The following ATAD2 variants were observed in gnomAD, a reference collection of about 807,000 sequenced individuals.
The protein encoded by ATAD2 is ATPase family AAA domain containing 2.
A neutral mutation model predicts 168.9 loss-of-function variants in ATAD2; 62 were observed. That is an observed-to-expected ratio of 0.37 (90% CI 0.30 to 0.45). The LOEUF (loss-of-function observed/expected upper bound fraction) is 0.45, where lower values mean the gene tolerates loss of function less well. ATAD2 is among the 20% of genes least tolerant of loss of function. ATAD2 has a pLI of 1.00. For synonymous variants in ATAD2, 613 were observed against 571.6 expected, an observed-to-expected ratio of 1.07 and a Z score of -1.03; for missense variants, 1,419 against 1,667.8, an observed-to-expected ratio of 0.85 and a Z score of 2.60.
chr8:123,396,366 C>A lies in ATAD2; in HGVS notation c.-9G>T. Reference sequence around the variant, plus strand: ...CTGCGGAGAACCACCATCTTCTCTCCCTACTGGCCTCGGCGTGCGCGACCG... The same window carrying A: ...CTGCGGAGAACCACCATCTTCTCTCACTACTGGCCTCGGCGTGCGCGACCG... On this transcript the variant is annotated 5_prime_UTR_variant, in exon 1 of 28. Transcript: ENST00000287394. 1 of 1,566,384 alleles carries A rather than the reference C, an allele frequency of 6.4e-7. No individual in the cohort carries two copies.
chr8:123,334,038 T>G lies in ATAD2; in HGVS notation c.3335-17A>C. ...AGCTACAACCTTATAAATAGATATGTGGGATGTCAAAAGGATTTCCAGATT... is the reference window on the plus strand; with the variant it reads ...AGCTACAACCTTATAAATAGATATGGGGGATGTCAAAAGGATTTCCAGATT... On this transcript the variant is annotated splice_polypyrimidine_tract_variant and intron_variant, in intron 23 of 27. Coordinates refer to ENST00000287394, the MANE Select transcript of ATAD2 (RefSeq NM_014109.4). The G allele has an allele frequency of 6.3e-7, 1 of 1,596,956 alleles. No individual in the cohort carries two copies. Among genetic ancestry groups the G allele is most frequent in the Non-Finnish European group, 8.5e-7 (1 of 1,170,038 alleles).
chr8:123,351,970 G>A (rs1006125131), intron 13 of ATAD2, among the ~76,000 whole-genome samples: 12 of 152,050 alleles, frequency 7.9e-5, no homozygotes, highest in African/African-American at 2.9e-4. Context: ...GGATGGTCTC[G>A]ATCTCCTGAC....
At chr8:123,405,327 G>A (rs1465778145) in intron 1 of ATAD2, among the ~76,000 whole-genome samples, 1 of 150,024 alleles carries the variant, frequency 6.7e-6, no homozygotes, top group Non-Finnish European at 1.5e-5. Context: ...TGCGACCTCA[G>A]CTCACTGCAA....
chr8:123,383,854 C>T (rs938265058), intron 1 of ATAD2, among the ~76,000 whole-genome samples: 4 of 151,332 alleles, frequency 2.6e-5, no homozygotes, highest in Admixed American at 6.6e-5. Flanking sequence ...GAGGCTGAGG[C>T]GAGGGGCTCA....
In ATAD2 at chr8:123,369,836, G is replaced by C. The variant is rs1480863275; in HGVS notation, c.916C>G (p.Gln306Glu). ...LRQRKATVYY[Q>E]APLEKPRHQR... ...TAGCACTTACTTTCCAATGGAGCCT[G>C]ATAGTAAACAGTAGCTTTTCTCTGT... The change falls in exon 7 of 28, where the codon CAG (glutamine) becomes GAG (glutamate). Residue 306 changes from glutamine (Q) to glutamate (E), a missense_variant. Transcript: ENST00000287394. The C allele has an allele frequency of 6.2e-7, 1 of 1,610,996 alleles. No homozygotes were observed. Among genetic ancestry groups the C allele is most frequent in the Non-Finnish European group, 8.5e-7 (1 of 1,178,620 alleles).
intron 1 of ATAD2, among the ~76,000 whole-genome samples, chr8:123,394,631 T>C (rs1411078597): frequency 6.6e-6 from 1 of 151,830 alleles, no homozygotes; most frequent in Non-Finnish European, 1.5e-5. Flanking sequence ...TGAGACTCTG[T>C]CTCGAAGAAA....
At position 123,348,240 on chromosome 8, in the gene ATAD2, C is replaced by G. The variant is rs1041557770; in HGVS notation, c.1840G>C (p.Asp614His). The change falls in exon 15 of 28, where the codon GAT becomes CAT. Residue 614 changes from aspartate (D) to histidine (H), a missense_variant. Physicochemically the swap from Asp to His is moderately conservative, Grantham distance 81. This residue lies in a region of ATAD2 where 545 missense variants were observed against 724.9 expected (regional missense o/e 0.75). Transcript: ENST00000287394. Reference sequence around the variant, plus strand: ...GTGTCCAGTGGTTTGGGATTCCAATCCCTGGTGTGAATCTTTAGAATCTCT... The same window carrying G: ...GTGTCCAGTGGTTTGGGATTCCAATGCCTGGTGTGAATCTTTAGAATCTCT... ...RKEILKIHTR[D>H]WNPKPLDTFL... 4 of 1,601,276 alleles carry G rather than the reference C, an allele frequency of 2.5e-6. No individual in the cohort carries two copies. The highest frequency in any genetic ancestry group is 3.4e-6 in the Non-Finnish European group (4 of 1,176,388).
intron 1 of ATAD2, among the ~76,000 whole-genome samples, chr8:123,381,430 G>T (rs140829727): frequency 6.6e-6 from 1 of 152,276 alleles, no homozygotes; most frequent in African/African-American, 2.4e-5. Context: ...GAGCCTGGGA[G>T]GTGGAGGTTG....
At chr8:123,354,695 G>C (rs1018148878) in intron 13 of ATAD2, among the ~76,000 whole-genome samples, 6 of 151,520 alleles carry the variant, frequency 4.0e-5, no homozygotes, top group African/African-American at 1.5e-4. Context: ...AAATTTAGCT[G>C]GGCATGGTGG....
intron 1 of ATAD2, among the ~76,000 whole-genome samples, chr8:123,410,125 ATATCT>A (rs1325152212): frequency 6.6e-6 from 1 of 151,982 alleles, no homozygotes; most frequent in African/African-American, 2.4e-5. Context: ...CTGCCCATTA[ATATCT>A]TAATTTCACT....
intron 26 of ATAD2, among the ~76,000 whole-genome samples, chr8:123,325,148 G>C (rs1302683978): frequency 6.9e-6 from 1 of 145,742 alleles, no homozygotes; most frequent in Non-Finnish European, 1.5e-5. Context: ...TGTCATCCAG[G>C]CTGGAAGGCA....
intron 12 of ATAD2, 110 bp downstream of exon 12, chr8:123,357,452 T>C: frequency 9.4e-7 from 1 of 1,061,964 alleles, no homozygotes; most frequent in Non-Finnish European, 1.3e-6. Flanking sequence ...AATAGTCTAA[T>C]TCTTCTGGGT....
intron 19 of ATAD2, among the ~76,000 whole-genome samples, chr8:123,341,068 G>C (rs1009934473): frequency 6.6e-6 from 1 of 151,626 alleles, no homozygotes; most frequent in Non-Finnish European, 1.5e-5. Context: ...TCAGCCTCCC[G>C]AGTAGCTGGG....
At chr8:123,401,449 A>G (rs1390066337) in intron 1 of ATAD2, 2 of 1,461,000 alleles carry the variant, frequency 1.4e-6, no homozygotes, top group Admixed American at 3.4e-5. Context: ...GTCAAACAGA[A>G]GTACTCCCAC....
In ATAD2 at chr8:123,369,918, TTCATCA is replaced by T. The variant is rs113064839; in HGVS notation, c.828_833del (p.Asp276_Asp277del). The T allele has an allele frequency of 2.5e-3, 3,924 of 1,567,960 alleles. 69 individuals carry two copies. The East Asian group carries it at 0.043, about 17-fold the overall frequency. On this transcript the variant is annotated inframe_deletion, in exon 7 of 28. Coordinates refer to ENST00000287394, the MANE Select transcript of ATAD2 (RefSeq NM_014109.4). ...CTCCATCTTCTTCATCTTCATCATC[TTCATCA>T]TCATCATCATCATCATCATCGTCAT...
At chr8:123,323,114 A>C (rs1827519356) in intron 26 of ATAD2, 48 bp from the exon 27 acceptor site, 2 of 1,550,016 alleles carry the variant, frequency 1.3e-6, no homozygotes, top group Non-Finnish European at 1.8e-6. Context: ...AAACTTCCTC[A>C]GACAAGATAC....
intron 1 of ATAD2, among the ~76,000 whole-genome samples, chr8:123,386,020 CAAAA>C (rs58687997): frequency 1.2e-5 from 1 of 81,086 alleles, no homozygotes; most frequent in African/African-American, 4.5e-5. Flanking sequence ...TGGCTACTCA[CAAAA>C]AAAAAAAAAA....
At chr8:123,396,615 G>C (rs899363670), upstream of ATAD2, 54 of 500,118 alleles carry the variant, frequency 1.1e-4, no homozygotes, top group Middle Eastern at 1.0e-3. Context: ...CGACAGTATA[G>C]AGGACCTGAG....
intron 1 of ATAD2, among the ~76,000 whole-genome samples, chr8:123,415,483 T>G (rs925935694): frequency 6.6e-6 from 1 of 152,254 alleles, no homozygotes; most frequent in Non-Finnish European, 1.5e-5. Flanking sequence ...GGAAGTACCC[T>G]GATTAGCTAG....
Sources: allele counts gnomAD v4.1 joint callset (sites outside exome capture counted in the v4.1 genomes callset), GRCh38; gene constraint gnomAD v4.1.1; regional missense constraint gnomAD v4.1.1; transcripts MANE v1.5; gene names NCBI Gene and HGNC (gene_info 2026-07-23, HGNC 2026-07-21).